The following MOCS1 variants were observed in gnomAD, a reference collection of about 807,000 sequenced individuals.
MOCS1 encodes the protein molybdenum cofactor synthesis 1.
In MOCS1, 39 loss-of-function variants were observed where a neutral mutation model predicts 57.6. The observed-to-expected ratio is 0.68, with a 90% CI of 0.52 to 0.88. MOCS1 has a LOEUF of 0.88. Among genes scored for constraint, MOCS1 ranks in the 40% least tolerant of loss-of-function variants. The pLI, the probability that MOCS1 is intolerant of heterozygous loss-of-function variation, is 0.00. For missense variants in MOCS1, 795 were observed against 831.1 expected (o/e 0.96, Z 0.53); for synonymous variants, 334 against 335.7 (o/e 1.00, Z 0.05).
chr6:39,920,852 G>A (rs991848271), intron 3 of MOCS1, among the ~76,000 whole-genome samples: 1 of 151,922 alleles, frequency 6.6e-6, no homozygotes, highest in Admixed American at 6.6e-5. Context: ...GGTGGTGTGC[G>A]CCTGTAGTCC....
intron 4 of MOCS1, 37 bp downstream of exon 4, chr6:39,916,031 C>T (rs1767636690): frequency 6.4e-7 from 1 of 1,570,830 alleles, no homozygotes; most frequent in Non-Finnish European, 8.6e-7. Flanking sequence ...ATGTGCAGGC[C>T]CTGGGAGGGA....
chr6:39,926,533 G>A (rs558040559), intron 2 of MOCS1, among the ~76,000 whole-genome samples: 1 of 151,080 alleles, frequency 6.6e-6, no homozygotes, highest in Non-Finnish European at 1.5e-5. Context: ...AGAGAGTCAT[G>A]AAGGCAAATT....
rs762936671 is a variant in MOCS1 at position 39,909,132 on chromosome 6, G to A, written c.1103-30C>T. ...GGTGAGGGAAAGATGGGGAGGGAGA[G>A]GAAAGCAGGGGAGGGGGAGAGGGAG... On this transcript the variant is annotated intron_variant, in intron 9 of 10. Coordinates refer to ENST00000340692, the MANE Select transcript of MOCS1 (RefSeq NM_001358530.2). 4.8e-6 allele frequency: 7 copies of A among 1,471,284 alleles called. No individual in the cohort carries two copies. The South Asian group carries it at 5.7e-5, about 12-fold the overall frequency. The allele number at this position is 1,471,284 out of a possible 1,614,324, so 91.1% of individuals were successfully genotyped here. A position where few individuals can be genotyped will look rare whatever the true frequency, so the allele number is the denominator to read the frequency against.
intron 3 of MOCS1, among the ~76,000 whole-genome samples, chr6:39,918,237 C>T (rs753506108): frequency 3.3e-5 from 5 of 152,146 alleles, no homozygotes; most frequent in African/African-American, 4.8e-5. Context: ...GCTATGTAAA[C>T]GTATGTCTCT....
chr6:39,934,310 CGCGGACTCCCCGGGGCAGG>C lies in MOCS1; in HGVS notation c.89_107del (p.Pro30ArgfsTer60). The C allele has an allele frequency of 6.5e-7, 1 of 1,546,374 alleles. No individual in the cohort carries two copies. The highest frequency in any genetic ancestry group is 8.7e-7 in the Non-Finnish European group (1 of 1,150,604). ...GTGGGCTCACCTCCGAGGCAGCTCG[CGCGGACTCCCCGGGGCAGG>C]GCTGGGTCACCGGAGCCCCTGAGCT... is the stretch of plus-strand genomic sequence containing the variant. On this transcript the variant is annotated frameshift_variant, in exon 1 of 11. Transcript: ENST00000340692. LOFTEE classifies it high-confidence loss of function.
At chr6:39,914,899 G>A (rs530726780) in intron 4 of MOCS1, among the ~76,000 whole-genome samples, 51 of 152,216 alleles carry the variant, frequency 3.4e-4, no homozygotes, top group Middle Eastern at 3.4e-3. Context: ...ACGTGTTTGC[G>A]GGCAGTACAG....
Position 39,906,391 on chromosome 6 carries a change from G to C in MOCS1, c.1877C>G (p.Thr626Ser). 6.2e-7 allele frequency: 1 copy of C among 1,600,254 alleles called. No individual in the cohort carries two copies. Among genetic ancestry groups the C allele is most frequent in the Non-Finnish European group, 8.5e-7 (1 of 1,169,838 alleles). ...ATGGAAGTCCCCCCGCTGACCACCA[G>C]TCTTGCTAATGAGCTTGATCTCCTC... ...VLEEIKLISK[T>S]GGQRGDFHRA is the part of the protein sequence containing the mutation. The change falls in exon 11 of 11, where the codon ACT becomes AGT. Residue 626 changes from threonine (T) to serine (S), a missense_variant. By Grantham distance (58) the Thr-to-Ser change is moderately conservative. This residue lies in a region of MOCS1 where 374 missense variants were observed against 422.6 expected (regional missense o/e 0.89). Transcript: ENST00000340692.
In MOCS1 at chr6:39,912,129, C is replaced by T; in HGVS notation, c.981+135G>A. Reference sequence around the variant, plus strand: ...CTGCTGCTCCCATCATGCCCCCAAACCTGACATTATTGCACCAACCACCTC... The same window carrying T: ...CTGCTGCTCCCATCATGCCCCCAAATCTGACATTATTGCACCAACCACCTC... On this transcript the variant is annotated intron_variant, in intron 8 of 10. Coordinates refer to ENST00000340692, the MANE Select transcript of MOCS1 (RefSeq NM_001358530.2). 4 of 742,190 alleles carry T rather than the reference C, an allele frequency of 5.4e-6. No homozygotes were observed. In the South Asian group the frequency reaches 5.9e-5, roughly 11 times the overall value. The allele number at this position is 742,190 out of a possible 1,614,324, so 46.0% of individuals were successfully genotyped here.
chr6:39,907,381 A>G (rs1332333441), intron 10 of MOCS1, among the ~76,000 whole-genome samples: 1 of 152,072 alleles, frequency 6.6e-6, no homozygotes, highest in Non-Finnish European at 1.5e-5. Flanking sequence ...CCACCGTGGC[A>G]CAGGGTTCCC....
In MOCS1 at chr6:39,904,235, C is replaced by A. The variant is rs1766653564; in HGVS notation, c.*2122G>T. The A allele has an allele frequency of 2.2e-6, 1 of 456,632 alleles. No individual in the cohort carries two copies. 28.3% of individuals were successfully genotyped at this position (456,632 alleles called of 1,614,324 possible). A position where few individuals can be genotyped will look rare whatever the true frequency, so the allele number is the denominator to read the frequency against. On this transcript the variant is annotated 3_prime_UTR_variant, in exon 11 of 11. Transcript: ENST00000340692. ...CAACTGTTGACAGAGGACACAAATA[C>A]GTTGTTCCAGAGCTCAGCCTTCTCA...
At position 39,905,306 on chromosome 6, in the gene MOCS1, T is replaced by TTAGA. The variant is rs1435551812; in HGVS notation, c.*1047_*1050dup. 6.6e-6 allele frequency: 3 copies of TTAGA among 455,600 alleles called. No individual in the cohort carries two copies. In the Admixed American group the frequency reaches 7.0e-5, roughly 11 times the overall value. 28.2% of individuals were successfully genotyped at this position (455,600 alleles called of 1,614,324 possible). A position where few individuals can be genotyped will look rare whatever the true frequency, so the allele number is the denominator to read the frequency against. ...GCCACCACCTGACAAAAGATTTCCCTTAGATGGTGCATTTCTATGCCCCCT... is the reference window on the plus strand; with the variant it reads ...GCCACCACCTGACAAAAGATTTCCCTTAGATAGATGGTGCATTTCTATGCCCCCT... On this transcript the variant is annotated 3_prime_UTR_variant, in exon 11 of 11. Coordinates refer to ENST00000340692, the MANE Select transcript of MOCS1 (RefSeq NM_001358530.2).
At chr6:39,911,760 C>T (rs1222645867) in intron 8 of MOCS1, among the ~76,000 whole-genome samples, 2 of 152,212 alleles carry the variant, frequency 1.3e-5, no homozygotes, top group South Asian at 4.1e-4. Context: ...TCTAGCCACG[C>T]GTGTGGCAAG....
At chr6:39,913,504 C>T (rs1003289795) in intron 5 of MOCS1, 76 bp from the exon 6 acceptor site, 22 of 1,313,190 alleles carry the variant, frequency 1.7e-5, no homozygotes, top group Non-Finnish European at 2.3e-5. Flanking sequence ...GGGGGCCTGG[C>T]ACTCACTGAG....
At chr6:39,923,838 C>T (rs1562098309) in intron 3 of MOCS1, among the ~76,000 whole-genome samples, 1 of 152,216 alleles carries the variant, frequency 6.6e-6, no homozygotes, top group South Asian at 2.1e-4. Context: ...TCCCCTTATA[C>T]AGCAGCTGCT....
chr6:39,927,004 C>T (rs1243350747), intron 2 of MOCS1, among the ~76,000 whole-genome samples: 4 of 151,648 alleles, frequency 2.6e-5, no homozygotes, highest in Non-Finnish European at 4.4e-5. Flanking sequence ...CTGGCCATGT[C>T]CTGGACTTCG....
intron 2 of MOCS1, chr6:39,927,104 T>G (rs1431355972): frequency 1.8e-6 from 1 of 554,128 alleles, no homozygotes; most frequent in East Asian, 3.1e-5. Flanking sequence ...ATTTATGTTT[T>G]CAAATCTAAT....
rs759510857 is a variant in MOCS1 at position 39,905,718 on chromosome 6, A to AG, written c.*638dup. On this transcript the variant is annotated 3_prime_UTR_variant, in exon 11 of 11. Transcript: ENST00000340692. ...ATGTGTGCACATCCTGTTTCAGAAGAGGGGGGCCAGAGGAAAAGGGGCCAG... is the reference window on the plus strand; with the variant it reads ...ATGTGTGCACATCCTGTTTCAGAAGAGGGGGGGCCAGAGGAAAAGGGGCCAG... The AG allele has an allele frequency of 5.5e-5, 26 of 470,908 alleles. No individual in the cohort carries two copies. In the East Asian group the frequency reaches 6.9e-4, roughly 13 times the overall value. The allele number at this position is 470,908 out of a possible 1,614,324, so 29.2% of individuals were successfully genotyped here. A position where few individuals can be genotyped will look rare whatever the true frequency, so the allele number is the denominator to read the frequency against.
intron 4 of MOCS1, 78 bp from the exon 5 acceptor site, chr6:39,913,913 G>T: frequency 7.0e-7 from 1 of 1,421,406 alleles, no homozygotes; most frequent in Non-Finnish European, 9.9e-7. Context: ...AAGCACCAGA[G>T]CCCATCTAGT....
At chr6:39,925,142 C>T (rs1202427508) in intron 3 of MOCS1, among the ~76,000 whole-genome samples, 23 of 152,192 alleles carry the variant, frequency 1.5e-4, no homozygotes, top group Admixed American at 1.5e-3. Flanking sequence ...CATGTCGGCC[C>T]AGATTTGGCT....
Sources: allele counts gnomAD v4.1 joint callset (sites outside exome capture counted in the v4.1 genomes callset), GRCh38; gene constraint gnomAD v4.1.1; regional missense constraint gnomAD v4.1.1; transcripts MANE v1.5; gene names NCBI Gene and HGNC (gene_info 2026-07-23, HGNC 2026-07-21).